EYS: variants seen among roughly 807,000 people sequenced by gnomAD.
The protein encoded by EYS is protein eyes shut homolog.
EYS carries 250 observed loss-of-function variants against 282.1 expected under a neutral mutation model. The observed-to-expected ratio is 0.89, with a 90% confidence interval of 0.80 to 0.98. EYS has a LOEUF of 0.98. Ranked by LOEUF, EYS falls within the 50% of genes least tolerant of loss-of-function variation. EYS has a pLI of 0.00. For missense variants in EYS, 4,016 were observed against 3,709.0 expected (o/e 1.08, Z -2.15); for synonymous variants, 1,355 against 1,282.9 (o/e 1.06, Z -1.20).
At chr6:65,094,689 A>T (rs1212871192) in intron 12 of EYS, among the ~76,000 whole-genome samples, 1 of 151,376 alleles carries the variant, frequency 6.6e-6, no homozygotes, top group Non-Finnish European at 1.5e-5. Context: ...TCTTAAAAAA[A>T]TTAAACCAAC....
At chr6:64,689,683 A>G (rs1309770024) in intron 22 of EYS, among the ~76,000 whole-genome samples, 1 of 152,200 alleles carries the variant, frequency 6.6e-6, no homozygotes, top group Admixed American at 6.5e-5. Context: ...CACACCTAGA[A>G]CCATCTGATC....
intron 29 of EYS, among the ~76,000 whole-genome samples, chr6:64,329,547 G>A (rs1770562376): frequency 1.3e-5 from 2 of 152,070 alleles, no homozygotes; most frequent in Admixed American, 1.3e-4. Flanking sequence ...GCTGCCAGGG[G>A]TCTTGGTGGA....
At chr6:64,840,907 T>C (rs1765543139) in intron 19 of EYS, among the ~76,000 whole-genome samples, 1 of 152,112 alleles carries the variant, frequency 6.6e-6, no homozygotes, top group Non-Finnish European at 1.5e-5. Flanking sequence ...CCATTTCAAA[T>C]GCTAAATAGA....
chr6:65,358,216 C>T (rs552760776), intron 8 of EYS, among the ~76,000 whole-genome samples: 1 of 151,856 alleles, frequency 6.6e-6, no homozygotes, highest in Non-Finnish European at 1.5e-5. Flanking sequence ...AATACTATTT[C>T]CCATTTAATT....
At chr6:63,784,179 A>G (rs1339054469) in intron 39 of EYS, among the ~76,000 whole-genome samples, 2 of 152,026 alleles carry the variant, frequency 1.3e-5, no homozygotes, top group African/African-American at 4.8e-5. Context: ...CTACACATCA[A>G]TTATCCTGGG....
At chr6:65,137,032 T>C (rs1196925281) in intron 12 of EYS, among the ~76,000 whole-genome samples, 2 of 152,092 alleles carry the variant, frequency 1.3e-5, no homozygotes, top group African/African-American at 2.4e-5. Context: ...ACTAAATGTA[T>C]GCAACACATT....
intron 26 of EYS, among the ~76,000 whole-genome samples, chr6:64,575,892 A>G (rs946290368): frequency 5.9e-5 from 9 of 152,248 alleles, no homozygotes; most frequent in African/African-American, 2.2e-4. Flanking sequence ...GCACTGTGAC[A>G]GCAATTTATA....
chr6:64,153,573 A>T (rs917466000), intron 31 of EYS, among the ~76,000 whole-genome samples: 1 of 152,250 alleles, frequency 6.6e-6, no homozygotes, highest in African/African-American at 2.4e-5. Flanking sequence ...TTCATAAGTT[A>T]TTAGGGAAAG....
At chr6:64,121,127 G>T (rs961111982) in intron 31 of EYS, among the ~76,000 whole-genome samples, 1 of 152,126 alleles carries the variant, frequency 6.6e-6, no homozygotes, top group Non-Finnish European at 1.5e-5. Context: ...CTTCAGGCCA[G>T]CAGGAATGCA....
chr6:64,622,203 A>G (rs1388062127), intron 23 of EYS, among the ~76,000 whole-genome samples: 6 of 152,076 alleles, frequency 3.9e-5, no homozygotes, highest in Admixed American at 3.9e-4. Flanking sequence ...CAAGTCTTAT[A>G]CCTTGTTGGC....
intron 35 of EYS, among the ~76,000 whole-genome samples, chr6:63,871,645 G>C: frequency 6.6e-6 from 1 of 152,188 alleles, no homozygotes; most frequent in South Asian, 2.1e-4. Flanking sequence ...CTGGGCAACA[G>C]AGTGAGACTC....
intron 2 of EYS, among the ~76,000 whole-genome samples, chr6:65,635,863 T>G (rs896710731): frequency 6.6e-5 from 10 of 152,130 alleles, no homozygotes; most frequent in African/African-American, 2.2e-4. Flanking sequence ...AGCTGTGCCC[T>G]CCTACAATTT....
At chr6:64,127,474 T>G (rs1233508838) in intron 31 of EYS, among the ~76,000 whole-genome samples, 1 of 152,174 alleles carries the variant, frequency 6.6e-6, no homozygotes, top group East Asian at 1.9e-4. Flanking sequence ...TGTCTAATAT[T>G]AACACAAACT....
At chr6:64,931,523 G>A (rs1366474559) in intron 15 of EYS, among the ~76,000 whole-genome samples, 2 of 151,854 alleles carry the variant, frequency 1.3e-5, no homozygotes, top group Non-Finnish European at 2.9e-5. Flanking sequence ...TTCTTCATTT[G>A]TTGTACATAT....
At chr6:64,429,464 C>G (rs1774512535) in intron 28 of EYS, among the ~76,000 whole-genome samples, 1 of 152,114 alleles carries the variant, frequency 6.6e-6, no homozygotes, top group Non-Finnish European at 1.5e-5. Context: ...AACTCTGTCT[C>G]TACTAAAAAT....
intron 22 of EYS, among the ~76,000 whole-genome samples, chr6:64,800,517 A>G (rs1459869633): frequency 1.3e-5 from 2 of 151,902 alleles, no homozygotes; most frequent in Admixed American, 6.6e-5. Flanking sequence ...ACACCTACAT[A>G]AGGAAAGTAT....
chr6:64,255,266 T>A (rs2180036), intron 30 of EYS, among the ~76,000 whole-genome samples: 4 of 151,720 alleles, frequency 2.6e-5, no homozygotes, highest in Admixed American at 1.3e-4. Context: ...AACTTAAACA[T>A]CCAGGGGAAG....
Position 64,553,546 on chromosome 6 carries a change from C to CT in EYS, c.5644+36676_5644+36677insA, listed in dbSNP as rs1050713958. ...AAGAACATCTGTGACTTTTGTTTGA[C>CT]CCCCCCCCCCCCATAGGCAGTTACA... is the stretch of plus-strand genomic sequence containing the variant. On this transcript the variant is annotated intron_variant, in intron 26 of 42. Coordinates refer to ENST00000503581, the MANE Select transcript of EYS (RefSeq NM_001142800.2). Among the ~76,000 whole-genome samples, 2 of 34,030 alleles carry CT rather than the reference C, an allele frequency of 5.9e-5. 1 individual carries two copies. Among genetic ancestry groups the CT allele is most frequent in the Non-Finnish European group, 1.0e-4 (2 of 19,862 alleles). 22.3% of individuals were successfully genotyped at this position (34,030 alleles called of 152,430 possible).
chr6:65,547,467 G>T (rs1453633962), intron 2 of EYS, among the ~76,000 whole-genome samples: 4 of 151,836 alleles, frequency 2.6e-5, no homozygotes, highest in African/African-American at 4.8e-5. Flanking sequence ...TCTAGAATTA[G>T]ATCTATGTAG....
Sources: allele counts gnomAD v4.1 joint callset (sites outside exome capture counted in the v4.1 genomes callset), GRCh38; gene constraint gnomAD v4.1.1; transcripts MANE v1.5; gene names NCBI Gene and HGNC (gene_info 2026-07-23, HGNC 2026-07-21).